The following ADAMTSL1 variants were observed in gnomAD, a reference collection of about 807,000 sequenced individuals.
ADAMTSL1 encodes ADAMTS-like protein 1.
ADAMTSL1 carries 126 observed loss-of-function variants against 201.8 expected under a neutral mutation model. The observed-to-expected ratio is 0.62, with a 90% CI of 0.54 to 0.72. The LOEUF is 0.72. ADAMTSL1 is among the 30% of genes least tolerant of loss of function. The pLI, the probability that ADAMTSL1 is intolerant of heterozygous loss-of-function variation, is 0.00. For missense variants in ADAMTSL1, 2,679 were observed against 2,277.8 expected, an observed-to-expected ratio of 1.18 and a Z score of -3.59; for synonymous variants, 1,121 against 903.4, an observed-to-expected ratio of 1.24 and a Z score of -4.32.
At chr9:18,388,493 C>T (rs530797457) in intron 2 of ADAMTSL1, among the ~76,000 whole-genome samples, 14 of 152,108 alleles carry the variant, frequency 9.2e-5, no homozygotes, top group South Asian at 2.1e-4. Flanking sequence ...AGGCTGGTTT[C>T]GAAGTCCTGA....
intron 1 of ADAMTSL1, among the ~76,000 whole-genome samples, chr9:17,932,938 A>G (rs946037539): frequency 1.3e-5 from 2 of 152,036 alleles, no homozygotes; most frequent in Admixed American, 6.6e-5. Flanking sequence ...TCGACTTCCT[A>G]TTATCTGGAT....
intron 1 of ADAMTSL1, among the ~76,000 whole-genome samples, chr9:18,036,941 G>T (rs1821225785): frequency 3.9e-5 from 6 of 152,130 alleles, no homozygotes; most frequent in Admixed American, 3.3e-4. Flanking sequence ...GGTATTATTG[G>T]ATGTGCATCT....
intron 2 of ADAMTSL1, among the ~76,000 whole-genome samples, chr9:18,275,630 C>G (rs947526195): frequency 3.3e-5 from 5 of 152,066 alleles, no homozygotes; most frequent in African/African-American, 9.7e-5. Context: ...TGTATTACGT[C>G]TAAATTGTTT....
intron 2 of ADAMTSL1, among the ~76,000 whole-genome samples, chr9:18,300,663 A>T (rs964730901): frequency 1.3e-5 from 2 of 152,202 alleles, no homozygotes; most frequent in African/African-American, 2.4e-5. Context: ...CTTCATGAAT[A>T]TATGTCCCTA....
chr9:18,188,188 C>A (rs6475201), intron 2 of ADAMTSL1, among the ~76,000 whole-genome samples: 55,463 of 151,938 alleles, frequency 0.37, 10,269 homozygotes, highest in South Asian at 0.45. Context: ...AACTCCTTTT[C>A]CCCCCAACAC....
At chr9:18,070,405 G>GAT (rs1216222989) in intron 1 of ADAMTSL1, among the ~76,000 whole-genome samples, 1 of 152,150 alleles carries the variant, frequency 6.6e-6, no homozygotes, top group Non-Finnish European at 1.5e-5. Flanking sequence ...AAATAGGGAT[G>GAT]ATAGACTCTT....
At chr9:18,188,219 G>T (rs1828819222) in intron 2 of ADAMTSL1, among the ~76,000 whole-genome samples, 1 of 152,198 alleles carries the variant, frequency 6.6e-6, no homozygotes, top group East Asian at 1.9e-4. Context: ...GTAAAATCTG[G>T]AGTTGATTGT....
At chr9:18,220,087 A>T (rs957548849) in intron 2 of ADAMTSL1, among the ~76,000 whole-genome samples, 8 of 152,104 alleles carry the variant, frequency 5.3e-5, no homozygotes, top group African/African-American at 1.9e-4. Flanking sequence ...ACCATTAAAT[A>T]GTTGTTTTCT....
chr9:18,037,808 A>G (rs1399928213), intron 1 of ADAMTSL1, among the ~76,000 whole-genome samples: 2 of 152,170 alleles, frequency 1.3e-5, no homozygotes, highest in Admixed American at 1.3e-4. Flanking sequence ...ATCCTCTCCA[A>G]ATACAGCGTG....
At chr9:17,952,006 G>T (rs1335695359) in intron 1 of ADAMTSL1, among the ~76,000 whole-genome samples, 2 of 151,824 alleles carry the variant, frequency 1.3e-5, no homozygotes, top group Non-Finnish European at 2.9e-5. Flanking sequence ...TCACTGTATT[G>T]CCCAGGCTAG....
intron 23 of ADAMTSL1, among the ~76,000 whole-genome samples, chr9:18,850,414 G>A (rs554021070): frequency 3.9e-5 from 6 of 152,322 alleles, no homozygotes; most frequent in African/African-American, 1.4e-4. Context: ...TGTGTTTGGT[G>A]GTGCTATAAT....
At chr9:18,319,230 G>T (rs1372092735) in intron 2 of ADAMTSL1, among the ~76,000 whole-genome samples, 1 of 152,108 alleles carries the variant, frequency 6.6e-6, no homozygotes, top group Non-Finnish European at 1.5e-5. Flanking sequence ...GCCAGCTGAA[G>T]ATCAGAGAAT....
intron 2 of ADAMTSL1, among the ~76,000 whole-genome samples, chr9:18,426,448 T>G (rs1047764767): frequency 6.6e-6 from 1 of 152,172 alleles, no homozygotes; most frequent in African/African-American, 2.4e-5. Flanking sequence ...GTATAAATAC[T>G]CAGTAATTAA....
At chr9:18,792,626 C>G (rs927522885) in intron 19 of ADAMTSL1, among the ~76,000 whole-genome samples, 1 of 152,176 alleles carries the variant, frequency 6.6e-6, no homozygotes, top group Non-Finnish European at 1.5e-5. Context: ...CTTGACTAAG[C>G]CTGCTTTCAT....
chr9:18,870,979 AT>A (rs1827844083), intron 23 of ADAMTSL1, among the ~76,000 whole-genome samples: 1 of 152,110 alleles, frequency 6.6e-6, no homozygotes, highest in African/African-American at 2.4e-5. Context: ...CTCTTTTCTA[AT>A]TCTTTATCTT....
chr9:18,273,713 T>G lies in ADAMTSL1; in HGVS notation c.207+109732T>G, dbSNP rs7023576. Among the ~76,000 whole-genome samples the G allele has an allele frequency of 5.8e-3, 877 of 152,336 alleles. 5 individuals carry two copies. The highest frequency in any genetic ancestry group is 0.019 in the African/African-American group (783 of 41,578). On this transcript the variant is annotated intron_variant, in intron 2 of 29. Coordinates refer to the ADAMTSL1 transcript ENST00000680146. ...CCTAAAAGCCAAATTCAGATTCATT[T>G]CACTCACAATGCCAACCATGTGGTC...
chr9:18,776,192 T>C (rs903503002), intron 18 of ADAMTSL1, among the ~76,000 whole-genome samples: 1 of 152,082 alleles, frequency 6.6e-6, no homozygotes, highest in Admixed American at 6.5e-5. Flanking sequence ...ACTAATGATG[T>C]CTAATGTTAT....
At chr9:18,379,487 T>C (rs759708886) in intron 2 of ADAMTSL1, among the ~76,000 whole-genome samples, 2 of 152,204 alleles carry the variant, frequency 1.3e-5, no homozygotes, top group Non-Finnish European at 2.9e-5. Context: ...CATTCTATTT[T>C]GTAGAATGGA....
intron 1 of ADAMTSL1, among the ~76,000 whole-genome samples, chr9:18,142,669 C>G (rs529349632): frequency 2.0e-5 from 3 of 152,252 alleles, no homozygotes; most frequent in South Asian, 2.1e-4. Flanking sequence ...GTCAGAGAAT[C>G]TATGCATTTA....
Sources: gnomAD v4.1 joint callset for allele counts (sites outside exome capture counted in the v4.1 genomes callset) on GRCh38, gnomAD v4.1.1 for gene constraint, MANE v1.5 for transcripts, NCBI Gene and HGNC (gene_info 2026-07-23, HGNC 2026-07-21) for gene names.